The following CDH2 variants were observed in gnomAD, a reference collection of about 807,000 sequenced individuals.
CDH2 encodes the protein cadherin-2.
Under a neutral mutation model 92.0 loss-of-function variants are expected in CDH2, and 17 were observed. The ratio of observed to expected loss-of-function variants is 0.18; its 90% confidence interval spans 0.13 to 0.28. The LOEUF is 0.28. Among genes scored for constraint, CDH2 ranks in the 10% least tolerant of loss-of-function variants. The pLI is 1.00. For synonymous variants in CDH2, 419 were observed against 415.9 expected (o/e 1.01, Z -0.09); for missense variants, 862 against 1,133.1 (o/e 0.76, Z 3.44).
intron 15 of CDH2, chr18:27,954,579 T>C (rs1909619745): frequency 6.6e-6 from 1 of 152,138 alleles, no homozygotes. Context: ...AGACGACATA[T>C]GGATCAGGAA....
chr18:27,985,092 T>C lies in CDH2; in HGVS notation c.2117A>G (p.Asn706Ser), dbSNP rs201333291. The C allele has an allele frequency of 7.4e-6, 12 of 1,614,010 alleles. No homozygotes were observed. The highest frequency in any genetic ancestry group is 8.5e-6 in the Non-Finnish European group (10 of 1,179,982). ...LRVKVCQCDS[N>S]GDCTDVDRIV... ...CCTGTCCACATCTGTGCAGTCCCCG[T>C]TGGAGTCACACTGGCAAACCTTCAC... is the stretch of plus-strand genomic sequence containing the variant. The change falls in exon 13 of 16, where the codon AAC (asparagine) becomes AGC (serine). Residue 706 changes from asparagine to serine, a missense_variant. This residue lies in a region of CDH2 where 564 missense variants were observed against 722.2 expected (regional missense o/e 0.78). Coordinates refer to ENST00000269141, the MANE Select transcript of CDH2 (RefSeq NM_001792.5).
At chr18:28,061,855 C>A (rs896062080) in intron 2 of CDH2, among the ~76,000 whole-genome samples, 1 of 152,076 alleles carries the variant, frequency 6.6e-6, no homozygotes, top group African/African-American at 2.4e-5. Flanking sequence ...ATGAGACTTA[C>A]TATCATGAGA....
At chr18:28,016,857 TTCTG>T (rs2013262623) in intron 2 of CDH2, among the ~76,000 whole-genome samples, 1 of 152,170 alleles carries the variant, frequency 6.6e-6, no homozygotes. Context: ...AGAAATCTTT[TTCTG>T]TGTCTATTGA....
intron 2 of CDH2, among the ~76,000 whole-genome samples, chr18:28,094,262 G>A (rs1056186293): frequency 3.3e-5 from 5 of 152,116 alleles, no homozygotes; most frequent in Admixed American, 6.5e-5. Context: ...TAAGGTGGGC[G>A]GATCACTTGA....
At chr18:28,048,566 A>T (rs2014126883) in intron 2 of CDH2, among the ~76,000 whole-genome samples, 1 of 152,182 alleles carries the variant, frequency 6.6e-6, no homozygotes, top group African/African-American at 2.4e-5. Context: ...GCACGGAGAG[A>T]CTGGCATTAA....
At chr18:28,011,729 A>T (rs1468720108) in intron 4 of CDH2, 117 bp downstream of exon 4, 1 of 947,602 alleles carries the variant, frequency 1.1e-6, no homozygotes, top group African/African-American at 1.7e-5. Context: ...TCTTTATAGA[A>T]AAACACTTTT....
intron 2 of CDH2, among the ~76,000 whole-genome samples, chr18:28,113,291 A>G (rs1429779299): frequency 6.6e-6 from 1 of 152,154 alleles, no homozygotes; most frequent in Non-Finnish European, 1.5e-5. Flanking sequence ...TCAATATTTT[A>G]AAAGGAGACA....
chr18:28,090,148 A>G (rs1434661115), intron 2 of CDH2, among the ~76,000 whole-genome samples: 2 of 152,234 alleles, frequency 1.3e-5, no homozygotes, highest in Non-Finnish European at 2.9e-5. Flanking sequence ...ACAGAATTAT[A>G]CACAAACACA....
intron 1 of CDH2, among the ~76,000 whole-genome samples, chr18:28,154,626 G>A (rs1009508246): frequency 1.3e-5 from 2 of 152,088 alleles, no homozygotes; most frequent in African/African-American, 4.8e-5. Context: ...TCAATGCTGT[G>A]AGCTTTAAAG....
chr18:28,176,904 G>C (rs1462258922), intron 1 of CDH2, 59 bp downstream of exon 1: 21 of 1,028,102 alleles, frequency 2.0e-5, no homozygotes, highest in Non-Finnish European at 2.3e-5. Flanking sequence ...GGAACAAAGG[G>C]ACCCGGCGCC....
chr18:27,947,282 GCC>G (rs770488478), downstream of CDH2, among the ~76,000 whole-genome samples: 130 of 151,766 alleles, frequency 8.6e-4, no homozygotes, highest in Non-Finnish European at 1.3e-3. Context: ...AAAAAGTAGA[GCC>G]CACTCATAAT....
At chr18:27,949,791 A>G (rs978581263), downstream of CDH2, among the ~76,000 whole-genome samples, 10 of 151,994 alleles carry the variant, frequency 6.6e-5, no homozygotes, top group Middle Eastern at 3.4e-3. Context: ...TGTTTTTACA[A>G]AGAAAATAGT....
At chr18:27,938,982 C>T (rs1408049362) in intron 6 of CDH2, among the ~76,000 whole-genome samples, 2 of 152,296 alleles carry the variant, frequency 1.3e-5, no homozygotes, top group Non-Finnish European at 2.9e-5. Flanking sequence ...AAATATATCC[C>T]TAGAAGTTTA....
intron 15 of CDH2, among the ~76,000 whole-genome samples, chr18:27,957,713 G>C (rs933175549): frequency 6.6e-6 from 1 of 152,074 alleles, no homozygotes; most frequent in Non-Finnish European, 1.5e-5. Context: ...AGTTTTTCCT[G>C]CTCAGCATCC....
chr18:27,967,419 T>C (rs572799665), intron 14 of CDH2, among the ~76,000 whole-genome samples: 1 of 152,156 alleles, frequency 6.6e-6, no homozygotes, highest in South Asian at 2.1e-4. Flanking sequence ...ACATGTAGGA[T>C]GAGAATTATA....
chr18:28,120,660 A>T (rs2015572366), intron 2 of CDH2, among the ~76,000 whole-genome samples: 1 of 152,076 alleles, frequency 6.6e-6, no homozygotes, highest in South Asian at 2.1e-4. Context: ...ACACAGATAT[A>T]AAAGGGAGGC....
intron 1 of CDH2, among the ~76,000 whole-genome samples, chr18:28,166,481 T>C (rs1869111874): frequency 6.6e-6 from 1 of 151,984 alleles, no homozygotes; most frequent in South Asian, 2.1e-4. Flanking sequence ...AATTTGTAAA[T>C]TAAATCAATG....
intron 2 of CDH2, among the ~76,000 whole-genome samples, chr18:28,137,816 A>T (rs932425384): frequency 2.0e-5 from 3 of 152,018 alleles, no homozygotes; most frequent in Admixed American, 6.6e-5. Context: ...TTTTTTCAGG[A>T]GAGATCTAAA....
rs116507143 is a variant in CDH2, at chr18:28,044,810, A to G, written c.173-30901T>C. Reference sequence around the variant, plus strand: ...AAAATGAAGATAATATCTTGTTCCTAGAATTATACTGAAGATTTTAAAAAG... The same window carrying G: ...AAAATGAAGATAATATCTTGTTCCTGGAATTATACTGAAGATTTTAAAAAG... On this transcript the variant is annotated intron_variant, in intron 2 of 15. Coordinates refer to ENST00000269141, the MANE Select transcript of CDH2 (RefSeq NM_001792.5). Among the ~76,000 whole-genome samples the G allele has an allele frequency of 3.3e-3, 505 of 151,954 alleles. 3 individuals are homozygous for G. The highest frequency in any genetic ancestry group is 0.012 in the African/African-American group (480 of 41,422).
Sources: allele counts gnomAD v4.1 joint callset (sites outside exome capture counted in the v4.1 genomes callset), GRCh38; gene constraint gnomAD v4.1.1; regional missense constraint gnomAD v4.1.1; transcripts MANE v1.5; gene names NCBI Gene and HGNC (gene_info 2026-07-23, HGNC 2026-07-21).